IFT43: variants seen among roughly 807,000 people sequenced by gnomAD.
IFT43 encodes intraflagellar transport protein 43 homolog.
Under a neutral mutation model 32.3 loss-of-function variants are expected in IFT43, and 33 were observed. The observed-to-expected ratio is 1.02, with a 90% CI of 0.77 to 1.37. IFT43 has a LOEUF of 1.37. Among genes scored for constraint, IFT43 ranks in the 40% most tolerant of loss-of-function variants. The pLI, the probability that IFT43 is intolerant of heterozygous loss-of-function variation, is 0.00. For synonymous variants in IFT43, 93 were observed against 98.2 expected, an observed-to-expected ratio of 0.95 and a Z score of 0.31; for missense variants, 274 against 265.9, an observed-to-expected ratio of 1.03 and a Z score of -0.21.
At chr14:76,013,869 C>T (rs2036132226) in intron 2 of IFT43, 1 of 241,940 alleles carries the variant, frequency 4.1e-6, no homozygotes, top group Admixed American at 4.9e-5. Flanking sequence ...CCATTTAAAC[C>T]ACTGAAGACC....
intron 2 of IFT43, among the ~76,000 whole-genome samples, chr14:76,014,838 C>T (rs943815347): frequency 2.0e-5 from 3 of 152,156 alleles, no homozygotes; most frequent in African/African-American, 7.2e-5. Context: ...AGGGATTCTT[C>T]AGCTTCACCT....
intron 7 of IFT43, among the ~76,000 whole-genome samples, chr14:76,082,987 T>G (rs2037540497): frequency 6.6e-6 from 1 of 152,162 alleles, no homozygotes; most frequent in Non-Finnish European, 1.5e-5. Context: ...GCTGTCACAC[T>G]CGGTCCTCCT....
Position 76,036,554 on chromosome 14 carries a change from G to A in IFT43, c.215+14160G>A, listed in dbSNP as rs150660866. Among the ~76,000 whole-genome samples the A allele has an allele frequency of 2.9e-3, 432 of 151,524 alleles. 4 individuals are homozygous for A. Among genetic ancestry groups the A allele is most frequent in the African/African-American group, 9.4e-3 (387 of 41,320 alleles). On this transcript the variant is annotated intron_variant, in intron 3 of 8. Transcript: ENST00000314067. The stretch of plus-strand genomic sequence containing the variant: ...CAAGTAGCTGAAACTACAGGCGCGC[G>A]CCACCACACCTGGCTTATTTTTGTA...
chr14:76,059,346 A>T lies in IFT43; in HGVS notation c.268A>T (p.Ser90Cys). 1.2e-6 allele frequency: 2 copies of T among 1,614,074 alleles called. No homozygotes were observed. The highest frequency in any genetic ancestry group is 1.7e-6 in the Non-Finnish European group (2 of 1,179,932). The change falls in exon 5 of 9, where the codon AGC becomes TGC. Residue 90 changes from serine to cysteine, a missense_variant. Physicochemically the swap from Ser to Cys is moderately radical, Grantham distance 112. Coordinates refer to ENST00000314067, the MANE Select transcript of IFT43 (RefSeq NM_001102564.3). ...GGGCAGTTTCCGCCTCAGACCACAGAGCCTGAATGGATCAGATTATGGAGG... is the reference window on the plus strand; with the variant it reads ...GGGCAGTTTCCGCCTCAGACCACAGTGCCTGAATGGATCAGATTATGGAGG... ...EIEDFRLRPQ[S>C]LNGSDYGGDI...
At chr14:76,030,930 C>T (rs1304923323) in intron 3 of IFT43, among the ~76,000 whole-genome samples, 2 of 151,480 alleles carry the variant, frequency 1.3e-5, no homozygotes, top group Non-Finnish European at 2.9e-5. Flanking sequence ...ATCCTCTCCA[C>T]CTCATTCCCG....
chr14:76,038,487 G>T (rs1429878049), intron 3 of IFT43, among the ~76,000 whole-genome samples: 1 of 152,100 alleles, frequency 6.6e-6, no homozygotes, highest in East Asian at 1.9e-4. Flanking sequence ...TTTATTCTAG[G>T]TAGGCTCCCC....
At chr14:76,001,730 C>T (rs191351568) in intron 2 of IFT43, among the ~76,000 whole-genome samples, 6 of 152,258 alleles carry the variant, frequency 3.9e-5, no homozygotes, top group African/African-American at 9.6e-5. Flanking sequence ...TTTATTTTCT[C>T]GCACTTCTAG....
chr14:76,013,848 C>T (rs1168605808), intron 2 of IFT43: 5 of 250,262 alleles, frequency 2.0e-5, no homozygotes, highest in Non-Finnish European at 4.3e-5. Flanking sequence ...ATCAGATTTC[C>T]AGCAGAGTAC....
At chr14:76,026,160 A>G (rs1192977735) in intron 3 of IFT43, among the ~76,000 whole-genome samples, 8 of 152,240 alleles carry the variant, frequency 5.3e-5, no homozygotes, top group Non-Finnish European at 1.2e-4. Context: ...AAAGAAAGAC[A>G]TACATGCAGC....
At chr14:75,993,348 A>G (rs2035678666) in intron 2 of IFT43, among the ~76,000 whole-genome samples, 1 of 152,194 alleles carries the variant, frequency 6.6e-6, no homozygotes, top group Admixed American at 6.5e-5. Flanking sequence ...CACAGTGAGA[A>G]TGCTGGGTTG....
chr14:76,057,276 G>C (rs1433877277), intron 3 of IFT43, among the ~76,000 whole-genome samples: 1 of 151,762 alleles, frequency 6.6e-6, no homozygotes, highest in African/African-American at 2.4e-5. Flanking sequence ...TCTGTTGCTA[G>C]GCTGGAGTGA....
intron 3 of IFT43, among the ~76,000 whole-genome samples, chr14:76,055,346 T>TAA (rs77670061): frequency 7.2e-6 from 1 of 138,570 alleles, no homozygotes; most frequent in Non-Finnish European, 1.6e-5. Context: ...ACCCTGTCTC[T>TAA]AAAAAAAAAA....
At chr14:76,048,882 C>T (rs1047807648) in intron 3 of IFT43, among the ~76,000 whole-genome samples, 4 of 152,170 alleles carry the variant, frequency 2.6e-5, no homozygotes, top group Non-Finnish European at 4.4e-5. Context: ...CCCAGTGGCT[C>T]GCATGCCAGC....
chr14:76,037,539 A>G (rs66931572), intron 3 of IFT43, among the ~76,000 whole-genome samples: 23,984 of 152,160 alleles, frequency 0.16, 1,969 homozygotes, highest in Middle Eastern at 0.23. Flanking sequence ...TTATACTTGT[A>G]ACCCTACCTT....
intron 3 of IFT43, among the ~76,000 whole-genome samples, chr14:76,049,047 A>G (rs1279613411): frequency 1.3e-5 from 2 of 152,238 alleles, no homozygotes; most frequent in Non-Finnish European, 2.9e-5. Flanking sequence ...AGGTTTCCCC[A>G]TTATAGAGCA....
intron 4 of IFT43, 57 bp from the exon 5 acceptor site, chr14:76,059,270 T>C (rs2037084994): frequency 1.2e-6 from 2 of 1,613,348 alleles, no homozygotes; most frequent in Admixed American, 3.3e-5. Context: ...TTTGGGATGT[T>C]CCTTTCCGTG....
chr14:76,042,153 C>A (rs1485551433), intron 3 of IFT43, among the ~76,000 whole-genome samples: 1 of 151,786 alleles, frequency 6.6e-6, no homozygotes, highest in Non-Finnish European at 1.5e-5. Context: ...ATTGTGACTT[C>A]TTTTGCTGGC....
intron 2 of IFT43, among the ~76,000 whole-genome samples, chr14:76,017,517 T>G (rs113729478): frequency 1.4e-4 from 22 of 152,266 alleles, no homozygotes; most frequent in East Asian, 3.9e-4. Context: ...TTGTTGTTGT[T>G]GTGGTGGTTG....
At chr14:76,053,132 A>G (rs749926620) in intron 3 of IFT43, among the ~76,000 whole-genome samples, 7 of 152,190 alleles carry the variant, frequency 4.6e-5, no homozygotes, top group African/African-American at 1.7e-4. Flanking sequence ...CTGAAATAAG[A>G]TAATGTATAC....
Sources: gnomAD v4.1 joint callset for allele counts (sites outside exome capture counted in the v4.1 genomes callset) on GRCh38, gnomAD v4.1.1 for gene constraint, MANE v1.5 for transcripts, NCBI Gene and HGNC (gene_info 2026-07-23, HGNC 2026-07-21) for gene names.